Variants in KALRN observed in about 807,000 individuals in gnomAD.
KALRN encodes kalirin.
KALRN carries 70 observed loss-of-function variants against 353.7 expected under a neutral mutation model. The ratio of observed to expected loss-of-function variants is 0.20; its 90% CI spans 0.16 to 0.24. The LOEUF (loss-of-function observed/expected upper bound fraction) is 0.24, where lower values mean the gene tolerates loss of function less well. KALRN is among the 10% of genes least tolerant of loss of function. KALRN has a pLI of 1.00. For synonymous variants in KALRN, 1,391 were observed against 1,434.8 expected, an observed-to-expected ratio of 0.97 and a Z score of 0.69; for missense variants, 2,791 against 3,756.7, an observed-to-expected ratio of 0.74 and a Z score of 6.72.
chr3:124,082,416 C>A, intron 1 of KALRN: 1 of 406,728 alleles, frequency 2.5e-6, no homozygotes, highest in Admixed American at 2.9e-5. Flanking sequence ...CCAAGTAATT[C>A]TTCTCCAGAA....
chr3:124,620,505 T>C (rs1183073003), intron 34 of KALRN, among the ~76,000 whole-genome samples: 1 of 152,232 alleles, frequency 6.6e-6, no homozygotes, highest in East Asian at 1.9e-4. Context: ...TGCAGCAAAC[T>C]CTAGCAGAAG....
chr3:124,526,631 G>A (rs2067617009), intron 33 of KALRN, among the ~76,000 whole-genome samples: 1 of 152,100 alleles, frequency 6.6e-6, no homozygotes. Flanking sequence ...GGTAGGAGGA[G>A]TAAGGATGTG....
chr3:124,045,883 AAG>A (rs1322171896), intron 1 of KALRN, among the ~76,000 whole-genome samples: 2 of 152,156 alleles, frequency 1.3e-5, no homozygotes, highest in Admixed American at 6.5e-5. Context: ...AGATTCATTG[AAG>A]AGAGAGTGCT....
At chr3:124,698,761 T>C (rs1354358582) in intron 55 of KALRN, among the ~76,000 whole-genome samples, 7 of 152,220 alleles carry the variant, frequency 4.6e-5, no homozygotes, top group Non-Finnish European at 8.8e-5. Context: ...AGAGAATATA[T>C]ATTTTTTAAT....
chr3:124,178,199 G>A (rs942174649), intron 1 of KALRN, among the ~76,000 whole-genome samples: 1 of 152,162 alleles, frequency 6.6e-6, no homozygotes, highest in African/African-American at 2.4e-5. Flanking sequence ...TTTTCTGCGG[G>A]TGATACTTTC....
At chr3:124,432,894 A>C (rs1002433099) in intron 16 of KALRN, among the ~76,000 whole-genome samples, 5 of 152,332 alleles carry the variant, frequency 3.3e-5, no homozygotes, top group African/African-American at 9.6e-5. Context: ...ATGGCAGAGC[A>C]GTTAGGATTT....
chr3:124,183,877 A>G (rs2073911555), intron 1 of KALRN, among the ~76,000 whole-genome samples: 1 of 152,184 alleles, frequency 6.6e-6, no homozygotes, highest in Non-Finnish European at 1.5e-5. Flanking sequence ...TGTGTTGGAG[A>G]AGGACTGAGG....
At chr3:124,105,471 G>A (rs1387080801) in intron 1 of KALRN, among the ~76,000 whole-genome samples, 1 of 152,188 alleles carries the variant, frequency 6.6e-6, no homozygotes, top group Admixed American at 6.5e-5. Context: ...AGTGAGAGTA[G>A]TGTAGACTGT....
chr3:124,467,937 G>C lies in KALRN; in HGVS notation c.4031+5304G>C, dbSNP rs1032414775. Among the ~76,000 whole-genome samples, 4 of 152,114 alleles carry C rather than the reference G, an allele frequency of 2.6e-5. No individual in the cohort carries two copies. The South Asian group carries it at 6.2e-4, about 24-fold the overall frequency. On this transcript the variant is annotated intron_variant, in intron 25 of 59. Coordinates refer to ENST00000682506, the MANE Select transcript of KALRN (RefSeq NM_001388419.1). Reference sequence around the variant, plus strand: ...AGAGGGAGGCAATGACGGTGGGAGGGTGGATAGGTAGGTAGGGTAGGTAGT... The same window carrying C: ...AGAGGGAGGCAATGACGGTGGGAGGCTGGATAGGTAGGTAGGGTAGGTAGT...
At chr3:124,106,105 T>C (rs1293147445) in intron 1 of KALRN, among the ~76,000 whole-genome samples, 2 of 152,162 alleles carry the variant, frequency 1.3e-5, no homozygotes, top group Admixed American at 1.3e-4. Context: ...ATAAGTGCTC[T>C]AAAGTGAAGC....
intron 1 of KALRN, among the ~76,000 whole-genome samples, chr3:124,218,813 C>T (rs537242509): frequency 3.0e-4 from 45 of 152,284 alleles, no homozygotes; most frequent in African/African-American, 9.6e-4. Flanking sequence ...AATGGTTGCT[C>T]ATTAGCTGGG....
In KALRN at chr3:124,637,311, G is replaced by C. The variant is rs1164479846; in HGVS notation, c.5664+8G>C. On this transcript the variant is annotated splice_region_variant and intron_variant, in intron 37 of 59. Transcript: ENST00000682506. Reference sequence around the variant, plus strand: ...TTGGTCAAAAACAAGCTGGTAAGTGGGGGTCCTGGAGGCAGTTCTGTGTGT... The same window carrying C: ...TTGGTCAAAAACAAGCTGGTAAGTGCGGGTCCTGGAGGCAGTTCTGTGTGT... The C allele has an allele frequency of 6.2e-7, 1 of 1,608,704 alleles. No individual in the cohort carries two copies. Among genetic ancestry groups the C allele is most frequent in the Non-Finnish European group, 8.5e-7 (1 of 1,175,198 alleles).
At chr3:124,512,727 TTGTA>T (rs770720212) in intron 33 of KALRN, among the ~76,000 whole-genome samples, 5 of 151,956 alleles carry the variant, frequency 3.3e-5, no homozygotes, top group South Asian at 4.2e-4. Flanking sequence ...ACATGTGTGT[TTGTA>T]TGTGTGTTTA....
chr3:124,236,296 T>C (rs1579819086), intron 3 of KALRN, among the ~76,000 whole-genome samples: 1 of 152,158 alleles, frequency 6.6e-6, no homozygotes, highest in South Asian at 2.1e-4. Flanking sequence ...ATTTTTTTTC[T>C]GGGGGTCATT....
intron 10 of KALRN, 144 bp from the exon 11 acceptor site, chr3:124,384,701 C>G: frequency 1.4e-6 from 1 of 724,114 alleles, no homozygotes; most frequent in Non-Finnish European, 2.2e-6. Context: ...GGCGTGCCAG[C>G]TCCGCGCACC....
At chr3:124,371,899 A>C (rs936909010) in intron 10 of KALRN, among the ~76,000 whole-genome samples, 4 of 151,998 alleles carry the variant, frequency 2.6e-5, no homozygotes, top group Non-Finnish European at 5.9e-5. Context: ...CATTCTTTCT[A>C]TTTTTTGTAG....
At chr3:124,044,905 C>CCTTCCTTCCTTCCTTCT (rs1553740415) in intron 1 of KALRN, among the ~76,000 whole-genome samples, 5 of 45,602 alleles carry the variant, frequency 1.1e-4, no homozygotes, top group African/African-American at 2.1e-4. Context: ...TTCCTTCCTT[C>CCTTCCTTCCTTCCTTCT]CTTCCTTCTC....
Position 124,666,650 on chromosome 3 carries a change from G to T in KALRN, c.6531+16G>T. ...GAGCATCAAGGTGAGGATCCCAATGGTGATGAGAAGAGGCAAGGAAGAGCC... is the reference window on the plus strand; with the variant it reads ...GAGCATCAAGGTGAGGATCCCAATGTTGATGAGAAGAGGCAAGGAAGAGCC... On this transcript the variant is annotated intron_variant, in intron 46 of 59. Coordinates refer to ENST00000682506, the MANE Select transcript of KALRN (RefSeq NM_001388419.1). 1 of 1,609,994 alleles carries T rather than the reference G, an allele frequency of 6.2e-7. No individual in the cohort carries two copies. The highest frequency in any genetic ancestry group is 1.1e-5 in the South Asian group (1 of 90,782).
chr3:124,483,357 C>A (rs1377467217), intron 28 of KALRN, among the ~76,000 whole-genome samples: 2 of 152,114 alleles, frequency 1.3e-5, no homozygotes, highest in Non-Finnish European at 2.9e-5. Flanking sequence ...TTGAGACCAG[C>A]CTGGCCAACA....
Sources: gnomAD v4.1 joint callset for allele counts (sites outside exome capture counted in the v4.1 genomes callset) on GRCh38, gnomAD v4.1.1 for gene constraint, MANE v1.5 for transcripts, NCBI Gene and HGNC (gene_info 2026-07-23, HGNC 2026-07-21) for gene names.